Variants in NARS1 observed in about 807,000 individuals in gnomAD.
NARS1 encodes the protein asparagine--tRNA ligase, cytoplasmic.
NARS1 carries 65 observed loss-of-function variants against 79.2 expected under a neutral mutation model. That is an observed-to-expected ratio of 0.82 (90% CI 0.67 to 1.01). The LOEUF (loss-of-function observed/expected upper bound fraction) is 1.01, where lower values mean the gene tolerates loss of function less well. Ranked by LOEUF, NARS1 falls within the 50% of genes least tolerant of loss-of-function variation. The pLI, the probability that NARS1 is intolerant of heterozygous loss-of-function variation, is 0.00. For missense variants in NARS1, 649 were observed against 673.8 expected (o/e 0.96, Z 0.41); for synonymous variants, 229 against 238.8 (o/e 0.96, Z 0.38).
rs1223077503 is a variant in NARS1, at chr18:57,618,383, T to C, written c.93+2186A>G. ...TGTAGGTCGTTCGGAATTCACTTAT[T>C]ACCCGACAATCTGTACTGATCCCTC... On this transcript the variant is annotated intron_variant, in intron 2 of 13. Transcript: ENST00000256854. Among the ~76,000 whole-genome samples, 10 of 152,270 alleles carry C rather than the reference T, an allele frequency of 6.6e-5. No homozygotes were observed. In the East Asian group the frequency reaches 1.5e-3, roughly 23 times the overall value.
At chr18:57,621,464 A>AG (rs1339978728) in intron 1 of NARS1, among the ~76,000 whole-genome samples, 2 of 152,130 alleles carry the variant, frequency 1.3e-5, no homozygotes, top group Non-Finnish European at 2.9e-5. Flanking sequence ...GGGCAGGGGA[A>AG]GGGCCCGGAG....
intron 11 of NARS1, among the ~76,000 whole-genome samples, chr18:57,603,943 G>A (rs187431505): frequency 4.6e-5 from 7 of 152,326 alleles, no homozygotes; most frequent in Middle Eastern, 3.4e-3. Context: ...TCATGTGTGT[G>A]GAACAGTAGC....
intron 13 of NARS1, 86 bp from the exon 14 acceptor site, chr18:57,601,869 A>G: frequency 7.0e-7 from 1 of 1,421,598 alleles, no homozygotes; most frequent in South Asian, 1.2e-5. Context: ...CCACCATGAA[A>G]GGAGTTAGCT....
At chr18:57,608,696 G>A (rs1204110071) in intron 7 of NARS1, among the ~76,000 whole-genome samples, 2 of 152,162 alleles carry the variant, frequency 1.3e-5, no homozygotes, top group Admixed American at 1.3e-4. Flanking sequence ...AATTTGACAT[G>A]TACTTCACAT....
rs559318574 is a variant in NARS1 at position 57,603,040 on chromosome 18, T to C, written c.1252-97A>G. 4.9e-6 allele frequency: 6 copies of C among 1,214,494 alleles called. No individual in the cohort carries two copies. In the East Asian group the frequency reaches 1.4e-4, roughly 28 times the overall value. 75.2% of individuals were successfully genotyped at this position (1,214,494 alleles called of 1,614,324 possible). ...TGTACCAGTCCTTCCTCCTATCAATTCAACAGAGTAGAGGATACACACCTA... is the reference window on the plus strand; with the variant it reads ...TGTACCAGTCCTTCCTCCTATCAATCCAACAGAGTAGAGGATACACACCTA... On this transcript the variant is annotated intron_variant, in intron 11 of 13. Transcript: ENST00000256854.
Position 57,607,261 on chromosome 18 carries a change from C to A in NARS1, c.874G>T (p.Glu292Ter). 1 of 1,614,106 alleles carries A rather than the reference C, an allele frequency of 6.2e-7. No individual in the cohort carries two copies. The highest frequency in any genetic ancestry group is 8.5e-7 in the Non-Finnish European group (1 of 1,180,010). ...GAGGATTGAGTCAAAAATGCCTCTT[C>A]CCCAAAATAGTCAAGCTTGAAGAGT... ...ATLFKLDYFGEEAFLTQSSQL... is the reference protein window; with the variant it reads ...ATLFKLDYFG Residue 292 changes from glutamate to a stop codon, truncating the protein, a stop_gained, in exon 9 of 14, where the codon GAA (glutamate) becomes TAA (stop). Coordinates refer to ENST00000256854, the MANE Select transcript of NARS1 (RefSeq NM_004539.4). LOFTEE classifies it high-confidence loss of function.
intron 10 of NARS1, among the ~76,000 whole-genome samples, chr18:57,606,367 T>G (rs1441625146): frequency 6.8e-6 from 1 of 147,860 alleles, no homozygotes; most frequent in African/African-American, 2.5e-5. Context: ...TATATATATA[T>G]ATATATATAT....
intron 2 of NARS1, among the ~76,000 whole-genome samples, chr18:57,617,506 A>T (rs1296172524): frequency 7.0e-6 from 1 of 141,900 alleles, no homozygotes; most frequent in East Asian, 2.1e-4. Context: ...TGGGAGGCGG[A>T]GCTTGCAGTG....
intron 4 of NARS1, among the ~76,000 whole-genome samples, chr18:57,615,187 T>G (rs2051638313): frequency 7.3e-6 from 1 of 137,084 alleles, no homozygotes; most frequent in Non-Finnish European, 1.6e-5. Flanking sequence ...AAATTAAAAT[T>G]TAAAATTAAG....
intron 7 of NARS1, among the ~76,000 whole-genome samples, chr18:57,608,252 C>T (rs922552260): frequency 6.6e-6 from 1 of 151,700 alleles, no homozygotes; most frequent in Admixed American, 6.6e-5. Context: ...AAATCAAGAC[C>T]ATCCTGGCCA....
intron 10 of NARS1, 71 bp downstream of exon 10, chr18:57,606,545 C>T (rs1290460720): frequency 1.2e-5 from 17 of 1,469,894 alleles, no homozygotes; most frequent in South Asian, 2.6e-5. Flanking sequence ...TCTACAAAAA[C>T]TGAGGGTGAA....
chr18:57,607,400 G>A, intron 8 of NARS1, 44 bp downstream of exon 8: 1 of 1,610,658 alleles, frequency 6.2e-7, no homozygotes, highest in South Asian at 1.1e-5. Context: ...TTTCAAAACG[G>A]CAAAAAACAT....
chr18:57,612,420 G>A (rs868636948), intron 5 of NARS1, among the ~76,000 whole-genome samples: 5 of 152,028 alleles, frequency 3.3e-5, no homozygotes, highest in African/African-American at 4.8e-5. Context: ...CATTTCATTT[G>A]TATTTTTGTC....
In NARS1 at chr18:57,615,961, T is replaced by C. The variant is rs762613276; in HGVS notation, c.108A>G (p.Val36=). 7.5e-6 allele frequency: 12 copies of C among 1,607,574 alleles called. No individual in the cohort carries two copies. Among genetic ancestry groups the C allele is most frequent in the Middle Eastern group, 1.7e-4 (1 of 6,048 alleles). ...AAATGGTAGGAAATGGTTCTTTCCC[T>C]ACTGTCATCAAAGCCTTGGGTAGGG... ...FKTGLKALMT[V]GKEPFPTIYV... is the part of the protein sequence containing the mutation. The change falls in exon 3 of 14, where the codon GTA becomes GTG. Residue 36 remains valine, a synonymous_variant. Coordinates refer to ENST00000256854, the MANE Select transcript of NARS1 (RefSeq NM_004539.4).
intron 11 of NARS1, among the ~76,000 whole-genome samples, chr18:57,604,618 A>G (rs1246899712): frequency 6.6e-6 from 1 of 152,122 alleles, no homozygotes; most frequent in East Asian, 1.9e-4. Context: ...AGCCAGATGC[A>G]GTGGCTCACG....
rs1419499426 is a variant in NARS1 at position 57,602,915 on chromosome 18, A to G, written c.1280T>C (p.Met427Thr). 13 of 1,614,024 alleles carry G rather than the reference A, an allele frequency of 8.1e-6. No individual in the cohort carries two copies. Among genetic ancestry groups the G allele is most frequent in the South Asian group, 1.1e-5 (1 of 91,090 alleles). ...GATTGGTTCATTAATGGTGTCTGTC[A>G]TCAGTCTCTCAGGAGCTTCTGGGAT... ...EDIPEAPERL[M>T]TDTINEPILL... is the part of the protein sequence containing the mutation. Residue 427 changes from methionine (M) to threonine (T), a missense_variant, in exon 12 of 14, where the codon ATG (methionine) becomes ACG (threonine). Transcript: ENST00000256854.
chr18:57,616,166 C>T lies in NARS1; in HGVS notation c.94-191G>A, dbSNP rs181105781. Reference sequence around the variant, plus strand: ...GGTTGGCTGGGCGCGGTGGCTCACGCCTGTAATCCCAGCACTTTGGAAGGC... The same window carrying T: ...GGTTGGCTGGGCGCGGTGGCTCACGTCTGTAATCCCAGCACTTTGGAAGGC... On this transcript the variant is annotated intron_variant, in intron 2 of 13. Transcript: ENST00000256854. The T allele has an allele frequency of 7.8e-5, 42 of 539,660 alleles. No individual in the cohort carries two copies. In the African/African-American group the frequency reaches 7.9e-4, roughly 10 times the overall value. 33.4% of individuals were successfully genotyped at this position (539,660 alleles called of 1,614,324 possible).
At chr18:57,606,552 T>G (rs369913400) in intron 10 of NARS1, 64 bp downstream of exon 10, 12 of 1,512,272 alleles carry the variant, frequency 7.9e-6, no homozygotes, top group African/African-American at 5.5e-5. Context: ...AAACTGAGGG[T>G]GAAGACTTCA....
In NARS1 at chr18:57,601,656, G is replaced by A; in HGVS notation, c.1643C>T (p.Pro548Leu). The change falls in exon 14 of 14, where the codon CCA (proline) becomes CTA (leucine). Residue 548 changes from proline to leucine, a missense_variant. Coordinates refer to ENST00000256854, the MANE Select transcript of NARS1 (RefSeq NM_004539.4). ...CCACGCTTCTGGAGAAAATGGTTAT[G>A]GCGTGCAACGCTGGACAAATCGAGG... ...LYPRFVQRCT[P>L] 1 of 1,613,550 alleles carries A rather than the reference G, an allele frequency of 6.2e-7. No individual in the cohort carries two copies. Among genetic ancestry groups the A allele is most frequent in the Non-Finnish European group, 8.5e-7 (1 of 1,179,594 alleles).
Sources: gnomAD v4.1 joint callset for allele counts (sites outside exome capture counted in the v4.1 genomes callset) on GRCh38, gnomAD v4.1.1 for gene constraint, MANE v1.5 for transcripts, NCBI Gene and HGNC (gene_info 2026-07-23, HGNC 2026-07-21) for gene names.